MTHFD1L: variants seen among roughly 807,000 people sequenced by gnomAD.
The protein encoded by MTHFD1L is methylenetetrahydrofolate dehydrogenase (NADP+ dependent) 1 like, also known as monofunctional C1-tetrahydrofolate synthase, mitochondrial.
MTHFD1L carries 81 observed loss-of-function variants against 119.5 expected under a neutral mutation model. The ratio of observed to expected loss-of-function variants is 0.68; its 90% CI spans 0.57 to 0.82. The LOEUF (loss-of-function observed/expected upper bound fraction) is 0.82. Among genes scored for constraint, MTHFD1L ranks in the 40% least tolerant of loss-of-function variants. The probability of loss-of-function intolerance (pLI) is 0.00; values close to 1 mark genes in which losing one functional copy is unlikely to be tolerated. For missense variants in MTHFD1L, 1,125 were observed against 1,253.4 expected (o/e 0.90, Z 1.55); for synonymous variants, 430 against 475.2 (o/e 0.90, Z 1.24).
At chr6:150,905,267 C>CAA (rs1785716322) in intron 7 of MTHFD1L, among the ~76,000 whole-genome samples, 2 of 151,866 alleles carry the variant, frequency 1.3e-5, no homozygotes, top group African/African-American at 4.8e-5. Flanking sequence ...CTCCTGACCT[C>CAA]GTGATCCACC....
chr6:150,921,448 C>G (rs938391821), intron 9 of MTHFD1L, among the ~76,000 whole-genome samples: 2 of 152,010 alleles, frequency 1.3e-5, no homozygotes, highest in African/African-American at 2.4e-5. Context: ...GACAGGGTTT[C>G]ACCATGTTGC....
chr6:151,062,263 C>T (rs141248133), intron 26 of MTHFD1L, among the ~76,000 whole-genome samples: 209 of 152,186 alleles, frequency 1.4e-3, no homozygotes, highest in African/African-American at 4.8e-3. Context: ...GATGAAACCC[C>T]GTCTCTACTA....
intron 20 of MTHFD1L, among the ~76,000 whole-genome samples, chr6:151,008,788 C>G (rs1781759158): frequency 6.6e-6 from 1 of 152,100 alleles, no homozygotes; most frequent in Admixed American, 6.5e-5. Context: ...ACAGAAATTA[C>G]TGGGTGGCAC....
chr6:151,013,036 T>C lies in MTHFD1L; in HGVS notation c.2266-743T>C, dbSNP rs375504944. ...ACCCTCACAGAAACACGCAAAATAA[T>C]GTTTGAACAAATACTGGACACCCTA... On this transcript the variant is annotated intron_variant, in intron 21 of 27. Coordinates refer to ENST00000367321, the MANE Select transcript of MTHFD1L (RefSeq NM_015440.5). Among the ~76,000 whole-genome samples, 7 of 152,262 alleles carry C rather than the reference T, an allele frequency of 4.6e-5. 1 individual carries two copies. In the East Asian group the frequency reaches 7.7e-4, roughly 17 times the overall value.
chr6:151,080,259 G>A (rs1440922681), intron 26 of MTHFD1L, among the ~76,000 whole-genome samples: 1 of 152,286 alleles, frequency 6.6e-6, no homozygotes, highest in South Asian at 2.1e-4. Context: ...ATGAGAAACC[G>A]AAAGAGAAGT....
chr6:151,084,859 C>T (rs1023658259), intron 26 of MTHFD1L, among the ~76,000 whole-genome samples: 3 of 149,820 alleles, frequency 2.0e-5, no homozygotes, highest in Admixed American at 6.7e-5. Context: ...CCCAGCTACT[C>T]GGGAGGCTGA....
chr6:150,995,893 C>A (rs1028329606), intron 20 of MTHFD1L, among the ~76,000 whole-genome samples: 1 of 152,104 alleles, frequency 6.6e-6, no homozygotes, highest in Admixed American at 6.5e-5. Flanking sequence ...GAACTCCTGA[C>A]TTTGTGATCC....
intron 1 of MTHFD1L, among the ~76,000 whole-genome samples, chr6:150,872,391 A>G (rs150841271): frequency 3.7e-4 from 57 of 152,218 alleles, no homozygotes; most frequent in African/African-American, 1.3e-3. Context: ...TCACTTGAAC[A>G]CTTAGAGGCC....
intron 24 of MTHFD1L, among the ~76,000 whole-genome samples, chr6:151,025,001 T>C (rs916745872): frequency 5.3e-5 from 8 of 152,186 alleles, no homozygotes; most frequent in African/African-American, 1.7e-4. Context: ...TTCCCATATA[T>C]TCCGTTTTTT....
chr6:150,960,811 C>G, intron 18 of MTHFD1L, among the ~76,000 whole-genome samples: 1 of 152,164 alleles, frequency 6.6e-6, no homozygotes, highest in South Asian at 2.1e-4. Flanking sequence ...GGAAGTGGCT[C>G]TGCTTCCATG....
rs962014257 is a variant in MTHFD1L at position 151,078,884 on chromosome 6, C to G, written c.2848-13583C>G. Among the ~76,000 whole-genome samples, 2 of 152,038 alleles carry G rather than the reference C, an allele frequency of 1.3e-5. 1 individual carries two copies. The highest frequency in any genetic ancestry group is 1.3e-4 in the Admixed American group (2 of 15,260). On this transcript the variant is annotated intron_variant, in intron 26 of 27. Coordinates refer to ENST00000367321, the MANE Select transcript of MTHFD1L (RefSeq NM_015440.5). ...AGTGTGGCTCCAGGAATGGAAACTA[C>G]CACACTGCAGAGGTGCAGGGAATCC...
chr6:150,990,584 C>T (rs112677363), intron 20 of MTHFD1L, among the ~76,000 whole-genome samples: 2 of 151,652 alleles, frequency 1.3e-5, no homozygotes, highest in South Asian at 2.1e-4. Context: ...CTCAGCCTCC[C>T]GAGTAGCCGG....
chr6:150,976,180 A>G (rs893378493), intron 20 of MTHFD1L, among the ~76,000 whole-genome samples: 36 of 152,306 alleles, frequency 2.4e-4, no homozygotes, highest in African/African-American at 7.9e-4. Flanking sequence ...CAGCCTAGGC[A>G]ACAGAGACAG....
chr6:150,991,849 C>G (rs1036474043), intron 20 of MTHFD1L, among the ~76,000 whole-genome samples: 2 of 152,118 alleles, frequency 1.3e-5, no homozygotes, highest in East Asian at 3.9e-4. Flanking sequence ...CAGGAAGGCT[C>G]TCCTGAGAAG....
In MTHFD1L at chr6:151,045,833, G is replaced by A. The variant is rs918502111; in HGVS notation, c.2847+8716G>A. 7.2e-5 allele frequency among the ~76,000 whole-genome samples: 11 copies of A among 152,350 alleles called. 1 individual carries two copies. Among genetic ancestry groups the A allele is most frequent in the African/African-American group, 2.6e-4 (11 of 41,578 alleles). Reference sequence around the variant, plus strand: ...TCTCATCGTGAGGTCCCTGCCGCAGGCTGCTGATGGTATTGTGGCCGTGCC... The same window carrying A: ...TCTCATCGTGAGGTCCCTGCCGCAGACTGCTGATGGTATTGTGGCCGTGCC... On this transcript the variant is annotated intron_variant, in intron 26 of 27. Transcript: ENST00000367321.
intron 26 of MTHFD1L, among the ~76,000 whole-genome samples, chr6:151,068,153 G>T (rs1791535239): frequency 6.6e-6 from 1 of 152,252 alleles, no homozygotes; most frequent in South Asian, 2.1e-4. Context: ...CAGCTAGAAT[G>T]CAGATCTGAT....
intron 4 of MTHFD1L, among the ~76,000 whole-genome samples, chr6:150,880,318 A>G (rs1781202679): frequency 6.6e-6 from 1 of 152,216 alleles, no homozygotes; most frequent in East Asian, 1.9e-4. Flanking sequence ...CTATGAGATC[A>G]GCTTTCCTAG....
At chr6:150,958,381 G>C (rs1795947639) in intron 17 of MTHFD1L, among the ~76,000 whole-genome samples, 1 of 152,156 alleles carries the variant, frequency 6.6e-6, no homozygotes, top group East Asian at 1.9e-4. Context: ...CAAGTAAGCT[G>C]TAGTAAGTAT....
At chr6:151,017,585 T>G (rs1382070128) in intron 24 of MTHFD1L, among the ~76,000 whole-genome samples, 1 of 152,088 alleles carries the variant, frequency 6.6e-6, no homozygotes, top group African/African-American at 2.4e-5. Context: ...GACCTTGTGA[T>G]CCACCCACCT....
Sources: allele counts gnomAD v4.1 joint callset (sites outside exome capture counted in the v4.1 genomes callset), GRCh38; gene constraint gnomAD v4.1.1; transcripts MANE v1.5; gene names NCBI Gene and HGNC (gene_info 2026-07-23, HGNC 2026-07-21).